Variants in RSU1 observed in about 807,000 individuals in gnomAD.
The protein encoded by RSU1 is Ras suppressor protein 1.
RSU1 carries 26 observed loss-of-function variants against 31.1 expected under a neutral mutation model. The observed-to-expected ratio is 0.84, with a 90% CI of 0.61 to 1.16. The LOEUF is 1.16. Ranked by LOEUF, RSU1 falls within the 50% of genes most tolerant of loss-of-function variation. RSU1 has a pLI of 0.00. For synonymous variants in RSU1, 164 were observed against 136.3 expected (o/e 1.20, Z -1.41); for missense variants, 320 against 339.1 (o/e 0.94, Z 0.44).
chr10:16,674,022 A>G (rs566423799), intron 8 of RSU1, among the ~76,000 whole-genome samples: 34 of 152,292 alleles, frequency 2.2e-4, no homozygotes, highest in South Asian at 6.2e-4. Context: ...TGAGGCTCTC[A>G]GCAGCCAATA....
intron 8 of RSU1, among the ~76,000 whole-genome samples, chr10:16,688,540 C>T (rs1278415598): frequency 6.6e-6 from 1 of 152,012 alleles, no homozygotes; most frequent in African/African-American, 2.4e-5. Flanking sequence ...ACCCGGAAGG[C>T]GGAGCTTGCA....
At chr10:16,704,729 A>AGGTGAATACACTTTCTTTTCTTTTT (rs1187595449) in intron 7 of RSU1, among the ~76,000 whole-genome samples, 2 of 152,222 alleles carry the variant, frequency 1.3e-5, no homozygotes, top group Non-Finnish European at 2.9e-5. Context: ...GTAATGCATT[A>AGGTGAATACACTTTCTTTTCTTTTT]GGTGAATACA....
chr10:16,644,446 G>GT (rs1196047765), intron 8 of RSU1, among the ~76,000 whole-genome samples: 2 of 152,300 alleles, frequency 1.3e-5, no homozygotes, highest in East Asian at 1.9e-4. Flanking sequence ...GGCTGTGTGT[G>GT]TTTTTCTGCA....
chr10:16,603,826 A>AT (rs1172098834), intron 8 of RSU1, among the ~76,000 whole-genome samples: 2 of 152,178 alleles, frequency 1.3e-5, no homozygotes, highest in African/African-American at 2.4e-5. Flanking sequence ...ATCCAACTGT[A>AT]TATGTATGTG....
At chr10:16,728,667 A>G (rs1001947021) in intron 7 of RSU1, among the ~76,000 whole-genome samples, 14 of 152,308 alleles carry the variant, frequency 9.2e-5, no homozygotes, top group Admixed American at 5.2e-4. Context: ...GTCGAAGTGG[A>G]TAAGTGAAGG....
At chr10:16,754,511 A>G (rs188956225) in intron 5 of RSU1, among the ~76,000 whole-genome samples, 2 of 151,542 alleles carry the variant, frequency 1.3e-5, no homozygotes, top group Admixed American at 1.3e-4. Context: ...CTGGGCAAAT[A>G]TCCTACAAAG....
chr10:16,725,879 T>C (rs1836383079), intron 7 of RSU1, among the ~76,000 whole-genome samples: 1 of 148,220 alleles, frequency 6.7e-6, no homozygotes, highest in Non-Finnish European at 1.5e-5. Context: ...ATATTTGAAA[T>C]AAACAAAAAT....
intron 7 of RSU1, among the ~76,000 whole-genome samples, chr10:16,735,093 T>A (rs192132299): frequency 3.3e-4 from 50 of 152,358 alleles, no homozygotes; most frequent in Middle Eastern, 3.4e-3. Context: ...AATTTATTTC[T>A]GTTGCTTAAG....
At chr10:16,780,674 G>A (rs1048608382) in intron 3 of RSU1, among the ~76,000 whole-genome samples, 1 of 152,174 alleles carries the variant, frequency 6.6e-6, no homozygotes, top group Non-Finnish European at 1.5e-5. Flanking sequence ...AGTTATTACT[G>A]CTCACAAATC....
At chr10:16,730,485 G>A (rs1836486036) in intron 7 of RSU1, among the ~76,000 whole-genome samples, 1 of 152,132 alleles carries the variant, frequency 6.6e-6, no homozygotes, top group Non-Finnish European at 1.5e-5. Flanking sequence ...CACCACAGAT[G>A]AGTGAGACCA....
intron 3 of RSU1, chr10:16,767,286 T>C (rs1837332577): frequency 6.6e-6 from 1 of 152,200 alleles, no homozygotes; most frequent in Non-Finnish European, 1.5e-5. Context: ...CCAAGAATAA[T>C]GCAGCCAGAA....
intron 4 of RSU1, among the ~76,000 whole-genome samples, chr10:16,761,243 G>A (rs1224387731): frequency 6.6e-6 from 1 of 152,182 alleles, no homozygotes; most frequent in African/African-American, 2.4e-5. Context: ...ACGCCCGAGA[G>A]GAGCTGCTTT....
intron 2 of RSU1, among the ~76,000 whole-genome samples, chr10:16,797,066 C>T (rs188029870): frequency 1.3e-5 from 2 of 152,204 alleles, no homozygotes; most frequent in South Asian, 2.1e-4. Context: ...AGGGTTTGCC[C>T]ATTCCAACAG....
intron 2 of RSU1, among the ~76,000 whole-genome samples, chr10:16,786,409 C>T (rs1450885918): frequency 2.6e-5 from 4 of 152,168 alleles, no homozygotes; most frequent in Non-Finnish European, 5.9e-5. Context: ...CCTTCTGACA[C>T]AAGATATTCA....
At chr10:16,658,761 TAAG>T (rs962824112) in intron 8 of RSU1, among the ~76,000 whole-genome samples, 60 of 152,282 alleles carry the variant, frequency 3.9e-4, no homozygotes, top group African/African-American at 1.4e-3. Flanking sequence ...TGGTGCTCGT[TAAG>T]AAGAACAGAT....
chr10:16,666,675 T>C (rs1834994822), intron 8 of RSU1, among the ~76,000 whole-genome samples: 1 of 152,086 alleles, frequency 6.6e-6, no homozygotes, highest in Non-Finnish European at 1.5e-5. Context: ...CACAGCCACC[T>C]TAAACTCAGG....
chr10:16,632,287 C>G (rs542642966), intron 8 of RSU1, among the ~76,000 whole-genome samples: 2 of 152,156 alleles, frequency 1.3e-5, no homozygotes, highest in Non-Finnish European at 2.9e-5. Context: ...CCATAAACTA[C>G]AGCAAAGAAA....
intron 8 of RSU1, among the ~76,000 whole-genome samples, chr10:16,672,497 C>A (rs1382049251): frequency 6.6e-6 from 1 of 152,172 alleles, no homozygotes. Context: ...GATAAACAAA[C>A]TGAGGTATAT....
chr10:16,734,575 T>C (rs1836586517), intron 7 of RSU1, among the ~76,000 whole-genome samples: 1 of 152,230 alleles, frequency 6.6e-6, no homozygotes, highest in South Asian at 2.1e-4. Flanking sequence ...GTTATCTCCA[T>C]AGGTTTCACT....
Sources: gnomAD v4.1 joint callset for allele counts (sites outside exome capture counted in the v4.1 genomes callset) on GRCh38, gnomAD v4.1.1 for gene constraint, MANE v1.5 for transcripts, NCBI Gene and HGNC (gene_info 2026-07-23, HGNC 2026-07-21) for gene names.